THSD7A: variants seen among roughly 807,000 people sequenced by gnomAD.
THSD7A encodes thrombospondin type 1 domain containing 7A.
A neutral mutation model predicts 231.3 loss-of-function variants in THSD7A; 96 were observed. The observed-to-expected ratio is 0.41, with a 90% confidence interval of 0.35 to 0.49. THSD7A has a LOEUF of 0.49. Among genes scored for constraint, THSD7A ranks in the 20% least tolerant of loss-of-function variants. The pLI is 0.05. For missense variants in THSD7A, 2,290 were observed against 2,070.2 expected (o/e 1.11, Z -2.06); for synonymous variants, 940 against 743.3 (o/e 1.26, Z -4.30).
chr7:11,548,020 C>T (rs1789469669), intron 4 of THSD7A, among the ~76,000 whole-genome samples: 1 of 152,116 alleles, frequency 6.6e-6, no homozygotes, highest in African/African-American at 2.4e-5. Context: ...CAAAGCTGTG[C>T]TTTCCAAAAC....
intron 9 of THSD7A, among the ~76,000 whole-genome samples, chr7:11,464,494 C>T (rs950910876): frequency 2.6e-5 from 4 of 152,056 alleles, no homozygotes; most frequent in Admixed American, 6.6e-5. Flanking sequence ...GAAGCAGCTA[C>T]CAAACATTAA....
chr7:11,519,305 CA>C (rs1788165946), intron 6 of THSD7A, among the ~76,000 whole-genome samples: 1 of 152,294 alleles, frequency 6.6e-6, no homozygotes, highest in South Asian at 2.1e-4. Flanking sequence ...TTCCTACAGG[CA>C]ACCACTATTT....
rs553653070 is a variant in THSD7A at position 11,670,445 on chromosome 7, A to T, written c.191-33484T>A. On this transcript the variant is annotated intron_variant, in intron 1 of 27. Coordinates refer to ENST00000423059, the MANE Select transcript of THSD7A (RefSeq NM_015204.3). ...CCGAGTTCTGAATTTTCATATACAT[A>T]AAGCAGTAGAATATTTGTATTCAAG... 3.1e-4 allele frequency among the ~76,000 whole-genome samples: 47 copies of T among 152,334 alleles called. No individual in the cohort carries two copies. The South Asian group carries it at 8.7e-3, about 28-fold the overall frequency.
At chr7:11,821,839 T>C (rs1277334483) in intron 1 of THSD7A, among the ~76,000 whole-genome samples, 2 of 152,204 alleles carry the variant, frequency 1.3e-5, no homozygotes, top group Admixed American at 6.5e-5. Flanking sequence ...AACTTTGATA[T>C]AATAATATGG....
chr7:11,702,418 T>C (rs1780633937), intron 1 of THSD7A, among the ~76,000 whole-genome samples: 1 of 151,250 alleles, frequency 6.6e-6, no homozygotes, highest in Non-Finnish European at 1.5e-5. Context: ...CCTCTGGTCT[T>C]TTCCAGTGAT....
At position 11,541,500 on chromosome 7, in the gene THSD7A, G is replaced by A. The variant is rs377687165; in HGVS notation, c.1741C>T (p.Leu581=). The change falls in exon 6 of 28, where the codon CTG becomes TTG. Residue 581 remains leucine (L), a synonymous_variant. Transcript: ENST00000423059. ...CCGTTATCTGGCTCGCAGTTTCCCA[G>A]TCTCACTGCTTTCCAGTCATAACAG... ...PACYDWKAVR[L]GNCEPDNGKE... is the part of the protein sequence containing the mutation. 1 of 1,613,910 alleles carries A rather than the reference G, an allele frequency of 6.2e-7. No individual in the cohort carries two copies. The highest frequency in any genetic ancestry group is 1.7e-5 in the Admixed American group (1 of 59,990).
At chr7:11,482,305 A>C (rs1786460361) in intron 6 of THSD7A, among the ~76,000 whole-genome samples, 1 of 152,176 alleles carries the variant, frequency 6.6e-6, no homozygotes, top group African/African-American at 2.4e-5. Flanking sequence ...CTTAAGTTGT[A>C]ATAAGGAGCA....
chr7:11,496,255 A>G (rs1787094339), intron 6 of THSD7A, among the ~76,000 whole-genome samples: 1 of 152,194 alleles, frequency 6.6e-6, no homozygotes, highest in Non-Finnish European at 1.5e-5. Context: ...ACAGAGAAAT[A>G]AAACCATGGA....
intron 1 of THSD7A, among the ~76,000 whole-genome samples, chr7:11,770,754 C>G (rs1022998097): frequency 9.2e-5 from 14 of 151,950 alleles, no homozygotes; most frequent in African/African-American, 2.9e-4. Context: ...AAAGTAAGGT[C>G]AATATTTGTG....
At chr7:11,388,140 A>G (rs1782835124) in intron 23 of THSD7A, among the ~76,000 whole-genome samples, 1 of 151,678 alleles carries the variant, frequency 6.6e-6, no homozygotes, top group African/African-American at 2.4e-5. Context: ...AATGTTCATC[A>G]GGGATATTGG....
intron 13 of THSD7A, among the ~76,000 whole-genome samples, chr7:11,429,659 G>T (rs1314822004): frequency 1.3e-5 from 2 of 152,192 alleles, no homozygotes; most frequent in Admixed American, 6.5e-5. Context: ...GTTAAGTAAT[G>T]TCTCATGTTT....
At chr7:11,781,679 C>T (rs1056548456) in intron 1 of THSD7A, among the ~76,000 whole-genome samples, 5 of 152,032 alleles carry the variant, frequency 3.3e-5, no homozygotes, top group Admixed American at 6.5e-5. Context: ...CTTGTATGTT[C>T]GTAGAACATC....
At chr7:11,663,260 G>A (rs1783001161) in intron 1 of THSD7A, among the ~76,000 whole-genome samples, 2 of 151,200 alleles carry the variant, frequency 1.3e-5, no homozygotes, top group African/African-American at 2.4e-5. Context: ...ACATAAGTTT[G>A]AAAAATAAAT....
At chr7:11,489,513 C>T (rs1314037458) in intron 6 of THSD7A, among the ~76,000 whole-genome samples, 1 of 152,070 alleles carries the variant, frequency 6.6e-6, no homozygotes, top group Non-Finnish European at 1.5e-5. Context: ...GGAACTGGGT[C>T]TTTGAAATTT....
At position 11,447,413 on chromosome 7, in the gene THSD7A, G is replaced by T; in HGVS notation, c.2617C>A (p.Arg873Ser). 6.4e-7 allele frequency: 1 copy of T among 1,563,390 alleles called. No homozygotes were observed. Among genetic ancestry groups the T allele is most frequent in the South Asian group, 1.2e-5 (1 of 83,872 alleles). The change falls in exon 12 of 28, where the codon CGC (arginine) becomes AGC (serine). Residue 873 changes from arginine to serine, a missense_variant. Physicochemically the swap from Arg to Ser is moderately radical, Grantham distance 110. Transcript: ENST00000423059. ...CCAGCCTGTCCTCCATCTTGCTTGC[G>T]ACAAGTAATGGCTAAAAGAAAAGCA... ...PGRQARAITC[R>S]KQDGGQAGIH...
chr7:11,569,243 C>T (rs528506762), intron 4 of THSD7A, among the ~76,000 whole-genome samples: 1 of 152,240 alleles, frequency 6.6e-6, no homozygotes, highest in East Asian at 1.9e-4. Context: ...AGTGAAGAGA[C>T]AACCTCTGAT....
chr7:11,734,046 T>A (rs1421201255), intron 1 of THSD7A, among the ~76,000 whole-genome samples: 1 of 151,898 alleles, frequency 6.6e-6, no homozygotes. Flanking sequence ...CTAGGATCTC[T>A]CCCTTGGAGA....
intron 6 of THSD7A, among the ~76,000 whole-genome samples, chr7:11,489,567 G>C (rs912503036): frequency 1.3e-5 from 2 of 152,050 alleles, no homozygotes; most frequent in African/African-American, 4.8e-5. Flanking sequence ...GTCTCTGTAG[G>C]AGGGCAGGTA....
At chr7:11,522,547 A>C (rs1313063420) in intron 6 of THSD7A, among the ~76,000 whole-genome samples, 1 of 152,136 alleles carries the variant, frequency 6.6e-6, no homozygotes, top group Non-Finnish European at 1.5e-5. Flanking sequence ...ACCGTATTAG[A>C]CAATCTGACA....
Sources: gnomAD v4.1 joint callset for allele counts (sites outside exome capture counted in the v4.1 genomes callset) on GRCh38, gnomAD v4.1.1 for gene constraint, MANE v1.5 for transcripts, NCBI Gene and HGNC (gene_info 2026-07-23, HGNC 2026-07-21) for gene names.